GNL3L: variants seen among roughly 807,000 people sequenced by gnomAD.
The protein encoded by GNL3L is G protein nucleolar 3 like, also known as guanine nucleotide-binding protein-like 3-like protein.
In GNL3L, 4 loss-of-function variants were observed where a neutral mutation model predicts 42.9. That is an observed-to-expected ratio of 0.09 (90% confidence interval 0.05 to 0.21). The LOEUF is 0.21. Among genes scored for constraint, GNL3L ranks in the 10% least tolerant of loss-of-function variants. The pLI, the probability that GNL3L is intolerant of heterozygous loss-of-function variation, is 1.00. For synonymous variants in GNL3L, 159 were observed against 176.3 expected, an observed-to-expected ratio of 0.90 and a Z score of 0.78; for missense variants, 412 against 481.7, an observed-to-expected ratio of 0.86 and a Z score of 1.36.
the GNL3L span, among the ~76,000 whole-genome samples, chrX:54,641,337 G>C: frequency 8.1e-5 from 9 of 111,427 alleles, no homozygotes; most frequent in Non-Finnish European, 1.5e-4. Flanking sequence ...AAATTTCATT[G>C]ATTTCTTAAT....
chrX:54,569,050 C>G (rs977616712), downstream of GNL3L, among the ~76,000 whole-genome samples: 1 of 112,196 alleles, frequency 8.9e-6, no homozygotes, highest in Middle Eastern at 4.6e-3. Context: ...TGTAAAGTAA[C>G]ATATTCAAAA....
chrX:54,638,616 G>T, the GNL3L span, among the ~76,000 whole-genome samples: 1 of 111,323 alleles, frequency 9.0e-6, no homozygotes, highest in African/African-American at 3.3e-5. Context: ...GATTACAGGC[G>T]CCTGGCTAAT....
At chrX:54,558,263 G>C (rs1418583469) in intron 14 of GNL3L, among the ~76,000 whole-genome samples, 173 bp from the exon 15 acceptor site, 1 of 110,989 alleles carries the variant, frequency 9.0e-6, no homozygotes, top group Non-Finnish European at 1.9e-5. Context: ...AACTGAGGCT[G>C]AGAGTTAACT....
the GNL3L span, among the ~76,000 whole-genome samples, chrX:54,628,435 A>G: frequency 9.0e-6 from 1 of 110,958 alleles, no homozygotes; most frequent in African/African-American, 3.3e-5. Context: ...AATCTTGACA[A>G]TGTTTTCCAT....
In GNL3L at chrX:54,620,962, A is replaced by G. The variant is rs151046939; in HGVS notation, c.*163A>G. The stretch of plus-strand genomic sequence containing the variant: ...TCTATGTTTCTTTTAAAGATCAAGA[A>G]AAACTTTTCTGGGAGAAAAACTTTA... On this transcript the variant is annotated 3_prime_UTR_variant, in exon 17 of 17. Coordinates refer to the GNL3L transcript ENST00000674498. Among the ~76,000 whole-genome samples the G allele has an allele frequency of 5.9e-3, 659 of 112,507 alleles. 6 individuals carry two copies. Among genetic ancestry groups the G allele is most frequent in the African/African-American group, 0.021 (638 of 31,017 alleles).
intron 16 of GNL3L, among the ~76,000 whole-genome samples, chrX:54,586,116 C>T: frequency 9.0e-6 from 1 of 110,997 alleles, no homozygotes; most frequent in Admixed American, 9.7e-5. Flanking sequence ...ACAGAAAACA[C>T]CTAAAGCTAG....
chrX:54,548,066 G>A (rs1924823104), intron 8 of GNL3L, among the ~76,000 whole-genome samples, 163 bp from the exon 9 acceptor site: 1 of 112,038 alleles, frequency 8.9e-6, no homozygotes, highest in Non-Finnish European at 1.9e-5. Flanking sequence ...AGACAGTGGA[G>A]GGGAATGGGG....
At chrX:54,598,838 G>A (rs1925968774) in intron 16 of GNL3L, among the ~76,000 whole-genome samples, 1 of 111,388 alleles carries the variant, frequency 9.0e-6, no homozygotes, top group African/African-American at 3.3e-5. Context: ...GATATAAAAG[G>A]ATTTTTAAAA....
chrX:54,580,452 A>G (rs912512247), intron 16 of GNL3L, among the ~76,000 whole-genome samples: 16 of 110,797 alleles, frequency 1.4e-4, no homozygotes, highest in Admixed American at 1.1e-3. Context: ...TAGTGCCGCA[A>G]TAAACATACG....
rs983603852 is a variant in GNL3L, at chrX:54,551,379, A to G, written c.864-189A>G. On this transcript the variant is annotated intron_variant, in intron 10 of 15. Coordinates refer to ENST00000360845, the MANE Select transcript of GNL3L (RefSeq NM_001184819.2). ...CCTGCAGCTCAGTCCCCAGTGGCAG[A>G]GGATAGATTAGAATCAGCCTCAAGT... Among the ~76,000 whole-genome samples, 5 of 111,768 alleles carry G rather than the reference A, an allele frequency of 4.5e-5. No individual in the cohort carries two copies. The Admixed American group carries it at 4.8e-4, about 11-fold the overall frequency.
chrX:54,544,047 A>G (rs760056404), intron 7 of GNL3L, 176 bp from the exon 8 acceptor site: 1 of 408,371 alleles, frequency 2.4e-6, no homozygotes, highest in Non-Finnish European at 4.3e-6. Context: ...CATCCCGTAG[A>G]CCAGACTATC....
chrX:54,611,572 T>C (rs943474309), intron 16 of GNL3L, among the ~76,000 whole-genome samples: 3 of 112,094 alleles, frequency 2.7e-5, no homozygotes, highest in African/African-American at 9.7e-5. Context: ...GTTCAAAGAA[T>C]TTTTAAATTT....
intron 16 of GNL3L, among the ~76,000 whole-genome samples, chrX:54,611,641 T>C (rs1241748419): frequency 8.9e-6 from 1 of 112,204 alleles, no homozygotes; most frequent in African/African-American, 3.2e-5. Flanking sequence ...TTAATTTTCA[T>C]TTATTTGCAT....
At chrX:54,635,864 A>C in the GNL3L span, among the ~76,000 whole-genome samples, 5 of 111,194 alleles carry the variant, frequency 4.5e-5, no homozygotes, top group African/African-American at 6.5e-5. Flanking sequence ...GGACTCAGCC[A>C]GTGGTGAAAC....
chrX:54,629,070 C>A, the GNL3L span, among the ~76,000 whole-genome samples: 1 of 107,096 alleles, frequency 9.3e-6, no homozygotes, highest in Non-Finnish European at 1.9e-5. Context: ...AGCTTGGTTA[C>A]TGTTGGTGTA....
chrX:54,635,509 GT>G, the GNL3L span, among the ~76,000 whole-genome samples: 1 of 111,308 alleles, frequency 9.0e-6, no homozygotes, highest in African/African-American at 3.3e-5. Flanking sequence ...AAAGCTATAT[GT>G]TTGAATATCA....
At chrX:54,613,954 A>G (rs1478272224) in intron 16 of GNL3L, among the ~76,000 whole-genome samples, 1 of 110,490 alleles carries the variant, frequency 9.1e-6, no homozygotes, top group Non-Finnish European at 1.9e-5. Flanking sequence ...TAATATAGAA[A>G]GGGACCGGCA....
downstream of GNL3L, among the ~76,000 whole-genome samples, chrX:54,569,585 A>C (rs1925515330): frequency 8.9e-6 from 1 of 112,192 alleles, no homozygotes; most frequent in African/African-American, 3.2e-5. Context: ...AAAAGGAACA[A>C]AGTTGGAAGA....
chrX:54,556,360 A>G (rs1317935080), intron 14 of GNL3L, among the ~76,000 whole-genome samples: 1 of 110,738 alleles, frequency 9.0e-6, no homozygotes, highest in Non-Finnish European at 1.9e-5. Flanking sequence ...TCTCATGAGA[A>G]CCCACTATCA....
Sources: gnomAD v4.1 joint callset for allele counts (sites outside exome capture counted in the v4.1 genomes callset) on GRCh38, gnomAD v4.1.1 for gene constraint, MANE v1.5 for transcripts, NCBI Gene and HGNC (gene_info 2026-07-23, HGNC 2026-07-21) for gene names.